Variants in NKD1 observed in about 807,000 individuals in gnomAD.
NKD1 encodes the protein protein naked cuticle homolog 1.
A neutral mutation model predicts 56.0 loss-of-function variants in NKD1; 21 were observed. The observed-to-expected ratio is 0.38, with a 90% CI of 0.27 to 0.54. The LOEUF (loss-of-function observed/expected upper bound fraction) is 0.54, where lower values mean the gene tolerates loss of function less well. Ranked by LOEUF, NKD1 falls within the 20% of genes least tolerant of loss-of-function variation. The probability of loss-of-function intolerance (pLI) is 0.82; values close to 1 mark genes in which losing one functional copy is unlikely to be tolerated. For synonymous variants in NKD1, 263 were observed against 265.7 expected, an observed-to-expected ratio of 0.99 and a Z score of 0.10; for missense variants, 578 against 642.7, an observed-to-expected ratio of 0.90 and a Z score of 1.09.
In NKD1 at chr16:50,621,706, G is replaced by A. The variant is rs1019294058; in HGVS notation, c.364G>A (p.Glu122Lys). Reference protein sequence around the residue: ...CPGSKKQLKFEELQCDVSMEE... With the variant: ...CPGSKKQLKFKELQCDVSMEE... ...AGGCTCCAAGAAGCAGCTGAAGTTT[G>A]AAGTAAGTTTCCTTTTGGTGCTGGG... The change falls in exon 5 of 10, where the codon GAA becomes AAA. Residue 122 changes from glutamate to lysine, a missense_variant and splice_region_variant. Transcript: ENST00000268459. The A allele has an allele frequency of 5.0e-6, 8 of 1,612,790 alleles. No individual in the cohort carries two copies. Among genetic ancestry groups the A allele is most frequent in the Non-Finnish European group, 6.8e-6 (8 of 1,179,066 alleles).
At chr16:50,549,798 A>G (rs1197506565) in intron 3 of NKD1, among the ~76,000 whole-genome samples, 5 of 152,104 alleles carry the variant, frequency 3.3e-5, no homozygotes, top group Non-Finnish European at 5.9e-5. Context: ...GAGGTGGTGA[A>G]GGTCCAGTTG....
chr16:50,548,656 T>C, intron 1 of NKD1, 61 bp from the exon 2 acceptor site: 1 of 1,466,310 alleles, frequency 6.8e-7, no homozygotes, highest in Admixed American at 2.5e-5. Context: ...TCCCTTCCTT[T>C]CTTTCCTTCT....
rs1033080364 is a variant in NKD1 at position 50,642,834 on chromosome 16, A to G, written c.*9053A>G. On this transcript the variant is annotated 3_prime_UTR_variant, in exon 10 of 10. Transcript: ENST00000268459. ...GGCATGCTGCCTCTGCTACACACTC[A>G]AAAAACACTTGAGGACATGACTTTT... 1.3e-5 allele frequency: 2 copies of G among 152,218 alleles called. No homozygotes were observed. Among genetic ancestry groups the G allele is most frequent in the East Asian group, 3.9e-4 (2 of 5,192 alleles). 9.4% of individuals were successfully genotyped at this position (152,218 alleles called of 1,614,324 possible). A position where few individuals can be genotyped will look rare whatever the true frequency, so the allele number is the denominator to read the frequency against.
intron 3 of NKD1, among the ~76,000 whole-genome samples, chr16:50,554,323 A>G (rs999790481): frequency 2.6e-5 from 4 of 152,164 alleles, no homozygotes; most frequent in Non-Finnish European, 5.9e-5. Flanking sequence ...ATCGATGGAC[A>G]GTGTTGTTGT....
chr16:50,595,975 C>A (rs1350475082), intron 3 of NKD1, among the ~76,000 whole-genome samples: 2 of 152,190 alleles, frequency 1.3e-5, no homozygotes, highest in Non-Finnish European at 2.9e-5. Context: ...TTGGGATGGG[C>A]AGGAGAGAGT....
At chr16:50,571,490 C>A (rs1049429504) in intron 3 of NKD1, 22 of 985,244 alleles carry the variant, frequency 2.2e-5, no homozygotes, top group Non-Finnish European at 2.5e-5. Context: ...AACAGCCTGT[C>A]GGAAGCAGCC....
At chr16:50,615,640 G>A (rs957238482) in intron 4 of NKD1, among the ~76,000 whole-genome samples, 2 of 152,190 alleles carry the variant, frequency 1.3e-5, no homozygotes, top group Non-Finnish European at 2.9e-5. Context: ...CAGCCGGGTC[G>A]TGGAAGCCTT....
At chr16:50,572,246 G>A (rs1460278785) in intron 3 of NKD1, among the ~76,000 whole-genome samples, 1 of 152,242 alleles carries the variant, frequency 6.6e-6, no homozygotes. Flanking sequence ...ACAGCAAGGA[G>A]TTGTGGATAT....
At chr16:50,606,610 T>C (rs957092233) in intron 3 of NKD1, 2 of 368,234 alleles carry the variant, frequency 5.4e-6, no homozygotes, top group African/African-American at 4.2e-5. Context: ...CACGGCTGCC[T>C]TGTTGGTGGC....
At chr16:50,549,025 C>A (rs910556908) in intron 2 of NKD1, 18 of 615,480 alleles carry the variant, frequency 2.9e-5, no homozygotes, top group Non-Finnish European at 3.6e-5. Context: ...TCTTCAGACC[C>A]CCAAGCGCCT....
At chr16:50,583,162 A>G (rs1596719880) in intron 3 of NKD1, among the ~76,000 whole-genome samples, 1 of 152,124 alleles carries the variant, frequency 6.6e-6, no homozygotes, top group South Asian at 2.1e-4. Flanking sequence ...TTTACTCCCC[A>G]CTTGGAATCT....
intron 6 of NKD1, among the ~76,000 whole-genome samples, chr16:50,628,406 G>T (rs1380864935): frequency 6.6e-6 from 1 of 152,216 alleles, no homozygotes; most frequent in South Asian, 2.1e-4. Context: ...AGCTGCTTCA[G>T]CCTGTGGGAC....
intron 3 of NKD1, among the ~76,000 whole-genome samples, chr16:50,581,758 GTC>G (rs1417871943): frequency 3.3e-5 from 5 of 152,214 alleles, no homozygotes; most frequent in Non-Finnish European, 4.4e-5. Context: ...ATGAGGTGCT[GTC>G]TTGTAGCAGC....
intron 3 of NKD1, among the ~76,000 whole-genome samples, chr16:50,588,494 G>C (rs1961276925): frequency 6.6e-6 from 1 of 152,196 alleles, no homozygotes; most frequent in African/African-American, 2.4e-5. Flanking sequence ...CAGCTCAGCA[G>C]GGTGGCTAGA....
chr16:50,607,105 C>T (rs546430555), intron 3 of NKD1: 22 of 443,528 alleles, frequency 5.0e-5, no homozygotes, highest in Non-Finnish European at 9.2e-5. Flanking sequence ...ACACCGGAGT[C>T]TGAATGGCCA....
At position 50,646,008 on chromosome 16, in the gene NKD1, G is replaced by A. The variant is rs938061041; in HGVS notation, c.*12227G>A. The A allele has an allele frequency of 6.6e-6, 1 of 151,730 alleles. No homozygotes were observed. Among genetic ancestry groups the A allele is most frequent in the Non-Finnish European group, 1.5e-5 (1 of 67,996 alleles). 9.4% of individuals were successfully genotyped at this position (151,730 alleles called of 1,614,324 possible). On this transcript the variant is annotated 3_prime_UTR_variant, in exon 10 of 10. Coordinates refer to ENST00000268459, the MANE Select transcript of NKD1 (RefSeq NM_033119.5). ...GACTTAAACGTGGGGGATTTAAAAG[G>A]CCCCTATGTTCCCACTTTGTGCTTT...
intron 3 of NKD1, among the ~76,000 whole-genome samples, chr16:50,551,164 G>A (rs891805953): frequency 3.6e-5 from 5 of 139,566 alleles, no homozygotes; most frequent in Non-Finnish European, 6.2e-5. Flanking sequence ...AAAGTCTGTC[G>A]TTTTTAATTA....
chr16:50,616,156 T>A (rs780048384), intron 4 of NKD1: 3 of 440,684 alleles, frequency 6.8e-6, no homozygotes, highest in South Asian at 4.7e-5. Flanking sequence ...ACTGTGGATA[T>A]GTCAGGGCGA....
rs1225919074 is a variant in NKD1, at chr16:50,648,359, C to T, written c.*14578C>T. 1 of 152,844 alleles carries T rather than the reference C, an allele frequency of 6.5e-6. No homozygotes were observed. Among genetic ancestry groups the T allele is most frequent in the Non-Finnish European group, 1.5e-5 (1 of 68,096 alleles). The allele number at this position is 152,844 out of a possible 1,614,324, so 9.5% of individuals were successfully genotyped here. ...TCCAACACCCTCAACTCCAACACCTCTGTCTTTCTGCCCCATCCACTAGAC... is the reference window on the plus strand; with the variant it reads ...TCCAACACCCTCAACTCCAACACCTTTGTCTTTCTGCCCCATCCACTAGAC... On this transcript the variant is annotated 3_prime_UTR_variant, in exon 10 of 10. Coordinates refer to ENST00000268459, the MANE Select transcript of NKD1 (RefSeq NM_033119.5).
Sources: gnomAD v4.1 joint callset for allele counts (sites outside exome capture counted in the v4.1 genomes callset) on GRCh38, gnomAD v4.1.1 for gene constraint, MANE v1.5 for transcripts, NCBI Gene and HGNC (gene_info 2026-07-23, HGNC 2026-07-21) for gene names.